Variants in PPARGC1A observed in about 807,000 individuals in gnomAD.
PPARGC1A encodes PPARG coactivator 1 alpha, also known as peroxisome proliferator-activated receptor gamma coactivator 1-alpha.
In PPARGC1A, 25 loss-of-function variants were observed where a neutral mutation model predicts 88.7. The ratio of observed to expected loss-of-function variants is 0.28; its 90% CI spans 0.21 to 0.39. PPARGC1A has a LOEUF of 0.39. Ranked by LOEUF, PPARGC1A falls within the 10% of genes least tolerant of loss-of-function variation. The pLI, the probability that PPARGC1A is intolerant of heterozygous loss-of-function variation, is 1.00. For synonymous variants in PPARGC1A, 363 were observed against 355.6 expected, an observed-to-expected ratio of 1.02 and a Z score of -0.24; for missense variants, 880 against 968.7, an observed-to-expected ratio of 0.91 and a Z score of 1.22.
At chr4:23,855,650 G>T (rs1312011931) in intron 2 of PPARGC1A, among the ~76,000 whole-genome samples, 1 of 152,162 alleles carries the variant, frequency 6.6e-6, no homozygotes, top group Non-Finnish European at 1.5e-5. Context: ...ATGATACTGG[G>T]TTAGTGACAA....
At chr4:24,465,476 C>T in the PPARGC1A span, among the ~76,000 whole-genome samples, 1 of 152,302 alleles carries the variant, frequency 6.6e-6, no homozygotes, top group East Asian at 1.9e-4. Flanking sequence ...GTCTGCTGTA[C>T]ACATTTACCT....
the PPARGC1A span, among the ~76,000 whole-genome samples, chr4:24,085,258 G>T: frequency 6.6e-6 from 1 of 151,744 alleles, no homozygotes; most frequent in Non-Finnish European, 1.5e-5. Flanking sequence ...ATCCATATTT[G>T]GTACATTTCA....
chr4:24,186,487 C>G, the PPARGC1A span, among the ~76,000 whole-genome samples: 6 of 152,092 alleles, frequency 3.9e-5, no homozygotes, highest in African/African-American at 4.8e-5. Flanking sequence ...GCAGTGTATT[C>G]CCACTCTCTG....
the PPARGC1A span, among the ~76,000 whole-genome samples, chr4:24,193,150 T>A: frequency 6.6e-6 from 1 of 152,254 alleles, no homozygotes; most frequent in Admixed American, 6.5e-5. Flanking sequence ...TTTTAATTTT[T>A]TGGATGCCTT....
chr4:23,889,583 G>A (rs1430379166), intron 1 of PPARGC1A, among the ~76,000 whole-genome samples: 1 of 152,098 alleles, frequency 6.6e-6, no homozygotes, highest in African/African-American at 2.4e-5. Context: ...AAAGACTTCA[G>A]CTTCTGATTC....
the PPARGC1A span, among the ~76,000 whole-genome samples, chr4:23,920,270 C>T: frequency 6.6e-6 from 1 of 152,204 alleles, no homozygotes; most frequent in Non-Finnish European, 1.5e-5. Flanking sequence ...GGACTGTATT[C>T]TGCCATGGCA....
chr4:24,162,240 T>C, the PPARGC1A span, among the ~76,000 whole-genome samples: 1 of 152,038 alleles, frequency 6.6e-6, no homozygotes, highest in Non-Finnish European at 1.5e-5. Flanking sequence ...GAGTGAGGAA[T>C]AAAAGACTAC....
chr4:24,062,918 T>C, the PPARGC1A span, among the ~76,000 whole-genome samples: 44,539 of 152,152 alleles, frequency 0.29, 7,126 homozygotes, highest in African/African-American at 0.36. Flanking sequence ...TGTAGAACTA[T>C]GCTTTATTCC....
At chr4:24,105,701 A>T in the PPARGC1A span, among the ~76,000 whole-genome samples, 1 of 152,182 alleles carries the variant, frequency 6.6e-6, no homozygotes, top group East Asian at 1.9e-4. Flanking sequence ...TGGTGGAACC[A>T]GGAAATCCCC....
At chr4:24,065,877 C>A in the PPARGC1A span, among the ~76,000 whole-genome samples, 1 of 152,156 alleles carries the variant, frequency 6.6e-6, no homozygotes, top group African/African-American at 2.4e-5. Context: ...GTGCTGTGCC[C>A]TTTAAAGGCA....
At chr4:23,828,642 A>T (rs1407178574) in intron 4 of PPARGC1A, 38 bp from the exon 5 acceptor site, 1 of 1,583,776 alleles carries the variant, frequency 6.3e-7, no homozygotes, top group South Asian at 1.1e-5. Context: ...AAATTAGTGA[A>T]CTGAACCTTA....
chr4:24,455,411 T>C, the PPARGC1A span, among the ~76,000 whole-genome samples: 1 of 152,168 alleles, frequency 6.6e-6, no homozygotes, highest in East Asian at 1.9e-4. Context: ...AGTCTTGGAG[T>C]TTAAGGCTGC....
chr4:24,109,298 TACACACACACACACACACAC>T, the PPARGC1A span, among the ~76,000 whole-genome samples: 2 of 131,800 alleles, frequency 1.5e-5, no homozygotes, highest in African/African-American at 2.9e-5. Flanking sequence ...CATTTCATTA[TACACACACACACACACACAC>T]ACACACACAC....
At chr4:23,865,178 GC>G (rs1227315978) in intron 2 of PPARGC1A, among the ~76,000 whole-genome samples, 2 of 152,056 alleles carry the variant, frequency 1.3e-5, no homozygotes, top group African/African-American at 4.8e-5. Flanking sequence ...GAGTGAGACT[GC>G]CTCCAAAAGA....
chr4:24,447,803 CAG>C, the PPARGC1A span, among the ~76,000 whole-genome samples: 1 of 152,202 alleles, frequency 6.6e-6, no homozygotes, highest in Non-Finnish European at 1.5e-5. Context: ...CGGCATGAAA[CAG>C]TCCCAGAAGA....
At chr4:23,978,150 C>T in the PPARGC1A span, among the ~76,000 whole-genome samples, 57 of 152,336 alleles carry the variant, frequency 3.7e-4, no homozygotes, top group African/African-American at 1.3e-3. Context: ...ACTGAACCAA[C>T]TCCAATGTGA....
the PPARGC1A span, among the ~76,000 whole-genome samples, chr4:24,004,367 G>T: frequency 6.6e-6 from 1 of 152,212 alleles, no homozygotes; most frequent in African/African-American, 2.4e-5. Context: ...TCTGCATTGA[G>T]AAGGCACAAC....
chr4:24,362,656 A>G, the PPARGC1A span, among the ~76,000 whole-genome samples: 1 of 152,176 alleles, frequency 6.6e-6, no homozygotes, highest in Admixed American at 6.5e-5. Context: ...ATTTACCTCT[A>G]ACTTTTCAAG....
At chr4:24,325,922 T>C in the PPARGC1A span, among the ~76,000 whole-genome samples, 1 of 152,324 alleles carries the variant, frequency 6.6e-6, no homozygotes, top group East Asian at 1.9e-4. Flanking sequence ...AACACTCTTT[T>C]ATGCACTCTT....
Sources: gnomAD v4.1 joint callset for allele counts (sites outside exome capture counted in the v4.1 genomes callset) on GRCh38, gnomAD v4.1.1 for gene constraint, MANE v1.5 for transcripts, NCBI Gene and HGNC (gene_info 2026-07-23, HGNC 2026-07-21) for gene names.